Variants in UNC79 observed in about 807,000 individuals in gnomAD.
UNC79 encodes unc-79 subunit of NALCN channel complex, also known as protein unc-79 homolog.
A neutral mutation model predicts 283.1 loss-of-function variants in UNC79; 37 were observed. The ratio of observed to expected loss-of-function variants is 0.13; its 90% CI spans 0.10 to 0.17. UNC79 has a LOEUF of 0.17. Among genes scored for constraint, UNC79 ranks in the 10% least tolerant of loss-of-function variants. UNC79 has a pLI of 1.00. For missense variants in UNC79, 2,272 were observed against 3,211.1 expected (o/e 0.71, Z 7.07); for synonymous variants, 1,107 against 1,200.2 (o/e 0.92, Z 1.61).
chr14:93,435,328 C>A (rs778642436), intron 1 of UNC79, among the ~76,000 whole-genome samples: 5 of 152,190 alleles, frequency 3.3e-5, no homozygotes, highest in Non-Finnish European at 5.9e-5. Flanking sequence ...TTGCTGCATT[C>A]CTGATTTAAA....
upstream of UNC79, among the ~76,000 whole-genome samples, chr14:93,429,247 A>G (rs1428417801): frequency 6.6e-6 from 1 of 152,236 alleles, no homozygotes; most frequent in Non-Finnish European, 1.5e-5. Flanking sequence ...ACTCTTTGGC[A>G]TCATGCTTCA....
At chr14:93,428,026 G>T (rs778122779), upstream of UNC79, among the ~76,000 whole-genome samples, 1 of 152,068 alleles carries the variant, frequency 6.6e-6, no homozygotes, top group Non-Finnish European at 1.5e-5. Flanking sequence ...AGGGAAGAGG[G>T]AATTTCAAAA....
At chr14:93,335,906 T>G (rs913357970) in intron 1 of UNC79, among the ~76,000 whole-genome samples, 1 of 152,208 alleles carries the variant, frequency 6.6e-6, no homozygotes, top group Non-Finnish European at 1.5e-5. Flanking sequence ...ACAGTGAACT[T>G]CTGTGGCTTT....
intron 40 of UNC79, among the ~76,000 whole-genome samples, chr14:93,664,245 G>T (rs1448048169): frequency 6.6e-6 from 1 of 152,144 alleles, no homozygotes; most frequent in African/African-American, 2.4e-5. Flanking sequence ...GAACTTTGGA[G>T]ACTTCACTTT....
intron 1 of UNC79, among the ~76,000 whole-genome samples, chr14:93,367,549 G>T (rs903028798): frequency 6.6e-6 from 1 of 152,118 alleles, no homozygotes; most frequent in African/African-American, 2.4e-5. Flanking sequence ...CAAACCATTA[G>T]AGTAAAAACA....
chr14:93,628,800 A>G (rs2140043071), intron 30 of UNC79, among the ~76,000 whole-genome samples: 1 of 152,378 alleles, frequency 6.6e-6, no homozygotes, highest in Non-Finnish European at 1.5e-5. Flanking sequence ...TGGAGGGCTG[A>G]GGAAAGATTG....
chr14:93,533,126 A>G (rs1450418588), intron 11 of UNC79, among the ~76,000 whole-genome samples: 2 of 152,066 alleles, frequency 1.3e-5, no homozygotes, highest in African/African-American at 4.8e-5. Flanking sequence ...TCTTGTTTTA[A>G]TAATTGAAAA....
chr14:93,493,337 G>C (rs969061343), intron 5 of UNC79, among the ~76,000 whole-genome samples: 1 of 152,122 alleles, frequency 6.6e-6, no homozygotes, highest in African/African-American at 2.4e-5. Flanking sequence ...GGAACATGCA[G>C]GGTGTTGTGA....
rs1595767799 is a variant in UNC79, at chr14:93,531,846, T to G, written c.1094-704T>G. 6.6e-6 allele frequency among the ~76,000 whole-genome samples: 1 copy of G among 152,350 alleles called. No homozygotes were observed. Among genetic ancestry groups the G allele is most frequent in the East Asian group, 1.9e-4 (1 of 5,188 alleles). On this transcript the variant is annotated intron_variant, in intron 10 of 48. Transcript: ENST00000555664. This position sits in a 1 kb window ranked among gnomAD's most constrained non-coding sequence, Gnocchi z 4.2. ...ATAGCTTGTGTGACCTTGAAGAATTTACCTAACCACAGTGGTTCTCAGTTT... is the reference window on the plus strand; with the variant it reads ...ATAGCTTGTGTGACCTTGAAGAATTGACCTAACCACAGTGGTTCTCAGTTT...
At chr14:93,572,425 C>G (rs1037714437) in intron 15 of UNC79, among the ~76,000 whole-genome samples, 4 of 152,136 alleles carry the variant, frequency 2.6e-5, no homozygotes, top group African/African-American at 9.7e-5. Flanking sequence ...AATGCTAATG[C>G]CTTAGAAATG....
intron 14 of UNC79, 113 bp from the exon 15 acceptor site, chr14:93,571,781 A>G: frequency 1.8e-6 from 2 of 1,098,978 alleles, no homozygotes; most frequent in Non-Finnish European, 2.6e-6. Context: ...CCTAGGACTC[A>G]GACATGATGG....
At chr14:93,622,177 A>C in exon 30 of UNC79, 1 of 1,614,172 alleles carries the variant, frequency 6.2e-7, no homozygotes, top group Non-Finnish European at 8.5e-7. Flanking sequence ...GTGACGAAGA[A>C]GAGGAGACGA....
intron 7 of UNC79, among the ~76,000 whole-genome samples, chr14:93,515,270 G>GTGTT (rs1444260180): frequency 6.6e-6 from 1 of 151,398 alleles, no homozygotes; most frequent in East Asian, 1.9e-4. Flanking sequence ...GTATATGTGT[G>GTGTT]TGTGTGTGTG....
chr14:93,345,929 A>T (rs917135444), intron 1 of UNC79, among the ~76,000 whole-genome samples: 5 of 151,408 alleles, frequency 3.3e-5, no homozygotes, highest in African/African-American at 1.2e-4. Context: ...AAAAGAGGGT[A>T]CTCAAAGGAA....
At chr14:93,343,672 A>G (rs561874377) in intron 1 of UNC79, among the ~76,000 whole-genome samples, 1 of 152,326 alleles carries the variant, frequency 6.6e-6, no homozygotes, top group South Asian at 2.1e-4. Context: ...ATCTTAATTC[A>G]TTATATAATT....
chr14:93,339,642 T>A (rs1191172553), intron 1 of UNC79, among the ~76,000 whole-genome samples: 1 of 152,228 alleles, frequency 6.6e-6, no homozygotes, highest in Non-Finnish European at 1.5e-5. Flanking sequence ...TTACTCGTGG[T>A]CAGCACCTGG....
At chr14:93,444,922 A>G (rs1252560527) in intron 1 of UNC79, among the ~76,000 whole-genome samples, 1 of 152,172 alleles carries the variant, frequency 6.6e-6, no homozygotes, top group East Asian at 1.9e-4. Flanking sequence ...TGGTCTATAG[A>G]TCCATTTGGA....
At chr14:93,490,418 C>G (rs543619737) in intron 5 of UNC79, among the ~76,000 whole-genome samples, 1 of 152,252 alleles carries the variant, frequency 6.6e-6, no homozygotes, top group Admixed American at 6.5e-5. Context: ...ATTCTCTCTC[C>G]CCACATTTTA....
chr14:93,567,311 C>T (rs966165377), intron 14 of UNC79, among the ~76,000 whole-genome samples: 1 of 152,192 alleles, frequency 6.6e-6, no homozygotes, highest in African/African-American at 2.4e-5. Context: ...GTGCAACCTC[C>T]GCCTCCCAGG....
Sources: allele counts gnomAD v4.1 joint callset (sites outside exome capture counted in the v4.1 genomes callset), GRCh38; gene constraint gnomAD v4.1.1; non-coding constraint Gnocchi (gnomAD v3.1); transcripts MANE v1.5; gene names NCBI Gene and HGNC (gene_info 2026-07-23, HGNC 2026-07-21).